PICALM: variants seen among roughly 807,000 people sequenced by gnomAD.
PICALM encodes phosphatidylinositol-binding clathrin assembly protein.
In PICALM, 40 loss-of-function variants were observed where a neutral mutation model predicts 80.5. The ratio of observed to expected loss-of-function variants is 0.50; its 90% CI spans 0.39 to 0.65. The LOEUF (loss-of-function observed/expected upper bound fraction) is 0.65. Ranked by LOEUF, PICALM falls within the 30% of genes least tolerant of loss-of-function variation. The probability of loss-of-function intolerance (pLI) is 0.00; values close to 1 mark genes in which losing one functional copy is unlikely to be tolerated. For synonymous variants in PICALM, 288 were observed against 260.3 expected (o/e 1.11, Z -1.02); for missense variants, 676 against 778.9 (o/e 0.87, Z 1.57).
chr11:85,981,131 T>C lies in PICALM; in HGVS notation c.1777A>G (p.Met593Val), dbSNP rs377101068. Residue 593 changes from methionine to valine, a missense_variant and splice_region_variant, in exon 17 of 20, where the codon ATG becomes GTG. Physicochemically the swap from Met to Val is conservative, Grantham distance 21. Around this residue, in one of 2 missense-constraint regions of PICALM, gnomAD observed 391 missense variants for 383.6 expected, o/e 1.02. Transcript: ENST00000393346. ...TATCAGGAGCTTTTTCAACTCACCA[T>C]TGTTGCAGCATTCCAAGCGGTTGTT... The part of the protein sequence containing the change: ...APTTAWNAAT[M>V]APPVMAYPAT... 130 of 1,508,250 alleles carry C rather than the reference T, an allele frequency of 8.6e-5. 1 individual carries two copies. Among genetic ancestry groups the C allele is most frequent in the South Asian group, 8.6e-4 (76 of 88,624 alleles). 93.4% of individuals were successfully genotyped at this position (1,508,250 alleles called of 1,614,324 possible).
In PICALM at chr11:85,974,739, G is replaced by A; in HGVS notation, c.1913C>T (p.Pro638Leu). ...TCCTGATACAGGGCCAAAGGGGTTT[G>A]GAGGTCTCATGACAGGCTGGCTGTA... ...LIYSQPVMRPPNPFGPVSGAQ... is the reference protein window; with the variant it reads ...LIYSQPVMRPLNPFGPVSGAQ... Residue 638 changes from proline (P) to leucine (L), a missense_variant, in exon 19 of 20, where the codon CCA (proline) becomes CTA (leucine). Physicochemically the swap from Pro to Leu is moderately conservative, Grantham distance 98. Around this residue, in one of 2 missense-constraint regions of PICALM, gnomAD observed 391 missense variants for 383.6 expected, o/e 1.02. Transcript: ENST00000393346. 8.7e-6 allele frequency: 14 copies of A among 1,613,182 alleles called. No homozygotes were observed. The highest frequency in any genetic ancestry group is 1.2e-5 in the Non-Finnish European group (14 of 1,179,188).
In PICALM at chr11:86,003,019, GA is replaced by G. The variant is rs137860500; in HGVS notation, c.893+346del. On this transcript the variant is annotated intron_variant, in intron 9 of 19. Transcript: ENST00000393346. ...AGAGTGAGACTCTGCCTCGGGGGAA[GA>G]AAAAAAAAATGTATCTTATAACTAC... is the stretch of plus-strand genomic sequence containing the variant. Among the ~76,000 whole-genome samples, 67 of 148,474 alleles carry G rather than the reference GA, an allele frequency of 4.5e-4. 1 individual carries two copies. The highest frequency in any genetic ancestry group is 1.4e-3 in the African/African-American group (56 of 40,556).
intron 1 of PICALM, among the ~76,000 whole-genome samples, chr11:86,037,943 C>T (rs1035555997): frequency 2.0e-5 from 3 of 152,146 alleles, no homozygotes; most frequent in Non-Finnish European, 2.9e-5. Context: ...CCCTTTAGAA[C>T]GTTATCATGA....
intron 17 of PICALM, among the ~76,000 whole-genome samples, chr11:85,979,005 G>A (rs1445922757): frequency 6.6e-6 from 1 of 152,048 alleles, no homozygotes; most frequent in Non-Finnish European, 1.5e-5. Context: ...GAAGAAGACT[G>A]GATTCAGAGT....
chr11:86,035,754 C>A (rs1018039210), intron 1 of PICALM, among the ~76,000 whole-genome samples: 1 of 146,574 alleles, frequency 6.8e-6, no homozygotes. Flanking sequence ...ACCAGCCTGG[C>A]CAACATGGTG....
chr11:86,009,947 A>G (rs970068518), intron 7 of PICALM, among the ~76,000 whole-genome samples: 10 of 152,230 alleles, frequency 6.6e-5, no homozygotes, highest in African/African-American at 2.4e-4. Flanking sequence ...CTAATAACAA[A>G]GCTATTGTTG....
Position 86,003,369 on chromosome 11 carries a change from C to T in PICALM, c.890G>A (p.Ser297Asn). 1.3e-6 allele frequency: 2 copies of T among 1,581,980 alleles called. No individual in the cohort carries two copies. Among genetic ancestry groups the T allele is most frequent in the Non-Finnish European group, 1.7e-6 (2 of 1,155,842 alleles). The change falls in exon 9 of 20, where the codon AGC (serine) becomes AAC (asparagine). Residue 297 changes from serine (S) to asparagine (N), a missense_variant. Physicochemically the swap from Ser to Asn is conservative, Grantham distance 46. Coordinates refer to ENST00000393346, the MANE Select transcript of PICALM (RefSeq NM_007166.4). ...GKKIKDSTAA[S>N]RATTLSNAVS... is the part of the protein sequence containing the mutation. Reference sequence around the variant, plus strand: ...TGGCCTACAAAGAATGATATACCTGCTTGCAGCTGTAGAATCTTTGATTTT... The same window carrying T: ...TGGCCTACAAAGAATGATATACCTGTTTGCAGCTGTAGAATCTTTGATTTT...
rs566291053 is a variant in PICALM, at chr11:85,999,166, C to G, written c.1154+1477G>C. 7.2e-5 allele frequency among the ~76,000 whole-genome samples: 11 copies of G among 152,296 alleles called. 1 individual carries two copies. The South Asian group carries it at 2.3e-3, about 32-fold the overall frequency. On this transcript the variant is annotated intron_variant, in intron 11 of 19. Transcript: ENST00000393346. ...TTAATTAGTAATTCTACTGTGCTAT[C>G]AAACACTAGAACTTATTCCTTCTAA...
chr11:86,061,104 G>A lies in PICALM; in HGVS notation c.130+7547C>T, dbSNP rs528864025. Reference sequence around the variant, plus strand: ...AACACTTTGGGAGGCTGAAGCAGGCGGATCACCTGAGATGAGGAGTTCAAG... The same window carrying A: ...AACACTTTGGGAGGCTGAAGCAGGCAGATCACCTGAGATGAGGAGTTCAAG... On this transcript the variant is annotated intron_variant, in intron 1 of 19. Transcript: ENST00000393346. Among the ~76,000 whole-genome samples the A allele has an allele frequency of 3.3e-5, 5 of 152,140 alleles. No homozygotes were observed. In the East Asian group the frequency reaches 5.8e-4, roughly 18 times the overall value.
At chr11:86,010,919 G>T in intron 7 of PICALM, 111 bp downstream of exon 7, 1 of 647,308 alleles carries the variant, frequency 1.5e-6, no homozygotes, top group South Asian at 1.8e-5. Context: ...AATAATGATT[G>T]AATACTAAAT....
chr11:86,062,202 C>T (rs1272890763), intron 1 of PICALM, among the ~76,000 whole-genome samples: 3 of 152,058 alleles, frequency 2.0e-5, no homozygotes, highest in Admixed American at 6.6e-5. Context: ...TTGGCCAAAC[C>T]CATAGAACAT....
intron 1 of PICALM, among the ~76,000 whole-genome samples, 163 bp from the exon 2 acceptor site, chr11:86,031,774 T>C (rs963889803): frequency 6.6e-6 from 1 of 152,192 alleles, no homozygotes; most frequent in African/African-American, 2.4e-5. Flanking sequence ...GAGACTACCA[T>C]AATCTACCTA....
chr11:86,003,726 AT>A (rs2095210116), intron 8 of PICALM: 2 of 243,462 alleles, frequency 8.2e-6, no homozygotes, highest in South Asian at 2.3e-4. Flanking sequence ...AAGTACTTAA[AT>A]TTTAAAGTAA....
At chr11:86,046,902 T>C (rs2096080986) in intron 1 of PICALM, among the ~76,000 whole-genome samples, 1 of 152,162 alleles carries the variant, frequency 6.6e-6, no homozygotes, top group African/African-American at 2.4e-5. Context: ...CCTCCCAAAG[T>C]GTTGGGATTA....
intron 11 of PICALM, among the ~76,000 whole-genome samples, chr11:85,997,905 C>G (rs1469622837): frequency 6.6e-6 from 1 of 151,818 alleles, no homozygotes; most frequent in African/African-American, 2.4e-5. Context: ...GCCTTAGCCT[C>G]CCAAGAAGCT....
At chr11:86,062,479 C>T (rs1431958747) in intron 1 of PICALM, among the ~76,000 whole-genome samples, 1 of 151,586 alleles carries the variant, frequency 6.6e-6, no homozygotes, top group Non-Finnish European at 1.5e-5. Flanking sequence ...GATCGCACCA[C>T]TGCACTCCAG....
chr11:85,992,473 C>T (rs1040009044), intron 12 of PICALM, among the ~76,000 whole-genome samples: 13 of 151,652 alleles, frequency 8.6e-5, no homozygotes, highest in African/African-American at 2.7e-4. Flanking sequence ...TTAGTAGAGA[C>T]GGGGGTTTCA....
At chr11:86,047,008 A>G (rs2096083636) in intron 1 of PICALM, among the ~76,000 whole-genome samples, 1 of 152,238 alleles carries the variant, frequency 6.6e-6, no homozygotes, top group Admixed American at 6.5e-5. Context: ...CCTTGTGCCA[A>G]GGCAAGGAAT....
At chr11:85,981,706 T>C in intron 16 of PICALM, 39 bp downstream of exon 16, 1 of 1,506,646 alleles carries the variant, frequency 6.6e-7, no homozygotes, top group Non-Finnish European at 9.2e-7. Flanking sequence ...AAACACTAAA[T>C]AACACACGGA....
Sources: gnomAD v4.1 joint callset for allele counts (sites outside exome capture counted in the v4.1 genomes callset) on GRCh38, gnomAD v4.1.1 for gene constraint, gnomAD v4.1.1 regional missense constraint, MANE v1.5 for transcripts, NCBI Gene and HGNC (gene_info 2026-07-23, HGNC 2026-07-21) for gene names.